Variants in LTV1 observed in about 807,000 individuals in gnomAD.
LTV1 encodes protein LTV1 homolog.
LTV1 carries 39 observed loss-of-function variants against 59.9 expected under a neutral mutation model. The observed-to-expected ratio is 0.65, with a 90% CI of 0.50 to 0.85. The LOEUF (loss-of-function observed/expected upper bound fraction) is 0.85, where lower values mean the gene tolerates loss of function less well. LTV1 is among the 40% of genes least tolerant of loss of function. The probability of loss-of-function intolerance (pLI) is 0.00; values close to 1 mark genes in which losing one functional copy is unlikely to be tolerated. For synonymous variants in LTV1, 171 were observed against 189.5 expected (o/e 0.90, Z 0.80); for missense variants, 493 against 549.1 (o/e 0.90, Z 1.02).
rs748007801 is a variant in LTV1, at chr6:143,863,157, A to C, written c.1188A>C (p.Ala396=). 11 of 1,614,030 alleles carry C rather than the reference A, an allele frequency of 6.8e-6. No individual in the cohort carries two copies. Among genetic ancestry groups the C allele is most frequent in the Non-Finnish European group, 9.3e-6 (11 of 1,179,918 alleles). Residue 396 remains alanine, a synonymous_variant, in exon 10 of 11, where the codon GCA becomes GCC. Transcript: ENST00000367576. The surrounding 1 kb of genome is among the most constrained non-coding windows in gnomAD (Gnocchi z 4.5). ...LNVLPKKGLT[A]KQTERIQMIN... ...TCTTACCAAAGAAAGGACTCACAGC[A>C]AAGCAAACTGAAAGAATACAGATGA... is the stretch of plus-strand genomic sequence containing the variant.
At chr6:143,846,285 A>G (rs1776889026) in intron 3 of LTV1, 61 bp downstream of exon 3, 2 of 1,509,884 alleles carry the variant, frequency 1.3e-6, no homozygotes, top group Non-Finnish European at 9.0e-7. Flanking sequence ...TTGAATCAAG[A>G]TATCTGTTTG....
Position 143,843,485 on chromosome 6 carries a change from G to A in LTV1, c.3+5G>A. ...GCGCCGCGCGGCTGCAGCATGGTGA[G>A]CAAGCCTTGCTTGTTTCGGCGGCCG... On this transcript the variant is annotated splice_donor_5th_base_variant and intron_variant, in intron 1 of 10. Transcript: ENST00000367576. 2 of 1,613,546 alleles carry A rather than the reference G, an allele frequency of 1.2e-6. No homozygotes were observed. The highest frequency in any genetic ancestry group is 1.7e-6 in the Non-Finnish European group (2 of 1,179,960).
intron 6 of LTV1, chr6:143,858,256 G>T: frequency 2.4e-6 from 1 of 412,190 alleles, no homozygotes; most frequent in Non-Finnish European, 4.5e-6. Flanking sequence ...TTAGGAGGAT[G>T]TGACTTTTCC....
intron 1 of LTV1, among the ~76,000 whole-genome samples, chr6:143,843,765 G>C (rs1247796670): frequency 6.6e-6 from 1 of 152,150 alleles, no homozygotes; most frequent in African/African-American, 2.4e-5. Flanking sequence ...ACTAAAAGCT[G>C]GTGACTGCCG....
At position 143,857,240 on chromosome 6, in the gene LTV1, G is replaced by T; in HGVS notation, c.398-63G>T. 1 of 1,592,034 alleles carries T rather than the reference G, an allele frequency of 6.3e-7. No homozygotes were observed. The highest frequency in any genetic ancestry group is 8.6e-7 in the Non-Finnish European group (1 of 1,164,344). On this transcript the variant is annotated intron_variant, in intron 4 of 10. Transcript: ENST00000367576. The surrounding 1 kb of genome is among the most constrained non-coding windows in gnomAD (Gnocchi z 5.2). ...TTGCTATCATAGGTCCTTATATTGT[G>T]AGTTAAGTGAATGAATTGTTGCTAT...
Position 143,863,075 on chromosome 6 carries a change from C to T in LTV1, c.1117-11C>T, listed in dbSNP as rs780028667. ...AGAAGTAACTCTAGTACCATTTTAT[C>T]TGTATTTCAGCCCAAACAAATTCGA... is the stretch of plus-strand genomic sequence containing the variant. On this transcript the variant is annotated splice_polypyrimidine_tract_variant and intron_variant, in intron 9 of 10. Coordinates refer to ENST00000367576, the MANE Select transcript of LTV1 (RefSeq NM_032860.5). This position sits in a 1 kb window ranked among gnomAD's most constrained non-coding sequence, Gnocchi z 4.5. 11 of 1,607,672 alleles carry T rather than the reference C, an allele frequency of 6.8e-6. No homozygotes were observed. Among genetic ancestry groups the T allele is most frequent in the Non-Finnish European group, 8.5e-6 (10 of 1,174,492 alleles).
At chr6:143,861,548 G>T (rs1777164795) in intron 7 of LTV1, among the ~76,000 whole-genome samples, 1 of 152,082 alleles carries the variant, frequency 6.6e-6, no homozygotes, top group African/African-American at 2.4e-5. Context: ...TTTCTGAAAT[G>T]CCAGGTGTTC....
intron 6 of LTV1, among the ~76,000 whole-genome samples, chr6:143,859,127 TC>T (rs1200547243): frequency 7.2e-5 from 11 of 152,206 alleles, no homozygotes; most frequent in Non-Finnish European, 1.6e-4. Context: ...TCCATTTCTT[TC>T]CGTTTCTCAT....
At chr6:143,847,076 C>T (rs989206684) in intron 3 of LTV1, among the ~76,000 whole-genome samples, 3 of 152,094 alleles carry the variant, frequency 2.0e-5, no homozygotes, top group Non-Finnish European at 4.4e-5. Flanking sequence ...TTCAGGATAC[C>T]ATCCCAAAGA....
rs1210020581 is a variant in LTV1, at chr6:143,862,014, A to G, written c.924-90A>G. ...GTGCATTTAAAACATTGGTTTTTCCACAGCTAAAAATTGCAGTTTTAGTGA... is the reference window on the plus strand; with the variant it reads ...GTGCATTTAAAACATTGGTTTTTCCGCAGCTAAAAATTGCAGTTTTAGTGA... On this transcript the variant is annotated intron_variant, in intron 7 of 10. Coordinates refer to ENST00000367576, the MANE Select transcript of LTV1 (RefSeq NM_032860.5). This position sits in a 1 kb window ranked among gnomAD's most constrained non-coding sequence, Gnocchi z 4.2. 1 of 1,286,510 alleles carries G rather than the reference A, an allele frequency of 7.8e-7. No homozygotes were observed. The highest frequency in any genetic ancestry group is 1.5e-5 in the African/African-American group (1 of 66,754). The allele number at this position is 1,286,510 out of a possible 1,614,324, so 79.7% of individuals were successfully genotyped here.
chr6:143,846,642 CAG>C (rs1174570250), intron 3 of LTV1, among the ~76,000 whole-genome samples: 1 of 152,224 alleles, frequency 6.6e-6, no homozygotes, highest in African/African-American at 2.4e-5. Context: ...CATAAGCAAA[CAG>C]AATGAGTGGA....
intron 2 of LTV1, 55 bp downstream of exon 2, chr6:143,844,672 C>CTT (rs35521359): frequency 1.6e-4 from 199 of 1,263,964 alleles, no homozygotes; most frequent in East Asian, 1.0e-3. Context: ...TTTTTTTTTT[C>CTT]TTTTTTTTTT....
In LTV1 at chr6:143,863,526, A is replaced by C; in HGVS notation, c.1427A>C (p.Ter476SerextTer36). ...LKKNVEGLKL[*>S] ...AAGAATGTTGAGGGTCTAAAGCTAT[A>C]GACAGTGGAGCATACAGGGCAAGGC... The change falls in exon 11 of 11, where the codon TAG becomes TCG. Residue 476 changes from the stop codon to serine (S), a stop_lost. Transcript: ENST00000367576. This position sits in a 1 kb window ranked among gnomAD's most constrained non-coding sequence, Gnocchi z 4.5. 2 of 1,608,290 alleles carry C rather than the reference A, an allele frequency of 1.2e-6. No homozygotes were observed. The highest frequency in any genetic ancestry group is 1.7e-6 in the Non-Finnish European group (2 of 1,175,570).
At chr6:143,851,253 T>C (rs569845897) in intron 4 of LTV1, among the ~76,000 whole-genome samples, 25 of 152,210 alleles carry the variant, frequency 1.6e-4, no homozygotes, top group Non-Finnish European at 3.1e-4. Flanking sequence ...AACTTGAGTT[T>C]TTTGTTTTCA....
intron 6 of LTV1, among the ~76,000 whole-genome samples, chr6:143,860,006 G>A (rs1777136401): frequency 6.6e-6 from 1 of 152,074 alleles, no homozygotes; most frequent in Non-Finnish European, 1.5e-5. Context: ...GAGAGGCTGA[G>A]GTGGGAAGAT....
At chr6:143,858,601 A>C (rs2128491985) in intron 6 of LTV1, 1 of 153,510 alleles carries the variant, frequency 6.5e-6, no homozygotes, top group South Asian at 2.0e-4. Context: ...AAAGTGTTCC[A>C]TAAATGATAA....
intron 4 of LTV1, among the ~76,000 whole-genome samples, chr6:143,854,947 C>T (rs937683243): frequency 6.6e-6 from 1 of 152,030 alleles, no homozygotes; most frequent in Non-Finnish European, 1.5e-5. Context: ...AGAGTTACGT[C>T]ACTGTCTATT....
chr6:143,843,574 C>G, intron 1 of LTV1, 94 bp downstream of exon 1: 1 of 1,519,764 alleles, frequency 6.6e-7, no homozygotes, highest in Non-Finnish European at 9.0e-7. Context: ...CGGCCCGGGT[C>G]TGGGTCATGC....
intron 6 of LTV1, chr6:143,858,815 T>A (rs1307806620): frequency 6.6e-6 from 1 of 152,198 alleles, no homozygotes; most frequent in African/African-American, 2.4e-5. Flanking sequence ...CTTTTTTTAT[T>A]TTTTAAAAAG....
Sources: gnomAD v4.1 joint callset for allele counts (sites outside exome capture counted in the v4.1 genomes callset) on GRCh38, gnomAD v4.1.1 for gene constraint, Gnocchi (gnomAD v3.1) non-coding constraint, MANE v1.5 for transcripts, NCBI Gene and HGNC (gene_info 2026-07-23, HGNC 2026-07-21) for gene names.